Variants in PCLO observed in about 807,000 individuals in gnomAD.
PCLO encodes the protein protein piccolo.
A neutral mutation model predicts 427.5 loss-of-function variants in PCLO; 82 were observed. The observed-to-expected ratio is 0.19, with a 90% confidence interval of 0.16 to 0.23. The LOEUF (loss-of-function observed/expected upper bound fraction) is 0.23. Among genes scored for constraint, PCLO ranks in the 10% least tolerant of loss-of-function variants. The pLI, the probability that PCLO is intolerant of heterozygous loss-of-function variation, is 1.00. For missense variants in PCLO, 6,239 were observed against 6,115.9 expected (o/e 1.02, Z -0.67); for synonymous variants, 2,357 against 2,155.4 (o/e 1.09, Z -2.59).
chr7:82,956,261 A>G lies in PCLO; in HGVS notation c.4692T>C (p.Ser1564=), dbSNP rs555478704. 6.8e-6 allele frequency: 11 copies of G among 1,611,972 alleles called. No individual in the cohort carries two copies. The African/African-American group carries it at 1.3e-4, about 20-fold the overall frequency. ...DFIRKQIIEM[S]ADEDASGSED... is the part of the protein sequence containing the mutation. ...CAGAACCTGAAGCATCTTCATCAGC[A>G]CTCATTTCTATGATTTGTTTTCGAA... Residue 1564 remains serine (S), a synonymous_variant, in exon 5 of 25, where the codon AGT becomes AGC. Coordinates refer to ENST00000333891, the MANE Select transcript of PCLO (RefSeq NM_033026.6).
Position 83,134,518 on chromosome 7 carries a change from T to A in PCLO, c.3032A>T (p.Lys1011Ile), listed in dbSNP as rs763687159. The part of the protein sequence containing the change: ...KAPAAEKLEP[K>I]AEQAPTVKRT... ...TTTTACTGTTGGAGCTTGTTCAGCT[T>A]TGGGCTCTAATTTTTCAGCTGCTGG... Residue 1011 changes from lysine (K) to isoleucine (I), a missense_variant, in exon 3 of 25, where the codon AAA (lysine) becomes ATA (isoleucine). By Grantham distance (102) the Lys-to-Ile change is moderately radical. Transcript: ENST00000333891. 2 of 1,613,934 alleles carry A rather than the reference T, an allele frequency of 1.2e-6. No individual in the cohort carries two copies. Among genetic ancestry groups the A allele is most frequent in the East Asian group, 4.5e-5 (2 of 44,868 alleles).
intron 10 of PCLO, among the ~76,000 whole-genome samples, chr7:82,876,763 T>A (rs534320071): frequency 6.6e-6 from 1 of 152,076 alleles, no homozygotes; most frequent in Non-Finnish European, 1.5e-5. Context: ...GTGAATCTAA[T>A]AGAAATATTA....
chr7:82,967,219 A>G (rs978740788), intron 3 of PCLO, among the ~76,000 whole-genome samples: 2 of 116,780 alleles, frequency 1.7e-5, no homozygotes, highest in African/African-American at 6.5e-5. Flanking sequence ...TTTTTTGCCC[A>G]GGCTGGGGTG....
intron 20 of PCLO, chr7:82,820,636 A>C: frequency 8.1e-7 from 1 of 1,230,630 alleles, no homozygotes; most frequent in Non-Finnish European, 1.0e-6. Flanking sequence ...AAATGAGTGC[A>C]TTAACAATTT....
At chr7:83,097,146 A>G (rs1790603505) in intron 3 of PCLO, among the ~76,000 whole-genome samples, 1 of 94,526 alleles carries the variant, frequency 1.1e-5, no homozygotes, top group African/African-American at 3.8e-5. Context: ...TACATTATAT[A>G]AATATATTAT....
chr7:82,897,045 G>A (rs1265006831), intron 9 of PCLO, among the ~76,000 whole-genome samples: 1 of 151,546 alleles, frequency 6.6e-6, no homozygotes, highest in Non-Finnish European at 1.5e-5. Flanking sequence ...CTCATTTTTT[G>A]AGCATCACAT....
intron 9 of PCLO, 32 bp downstream of exon 9, chr7:82,902,619 A>G (rs1336290062): frequency 7.7e-7 from 1 of 1,300,492 alleles, no homozygotes; most frequent in Admixed American, 2.0e-5. Context: ...CAAAAAAACA[A>G]AAAAAATATT....
chr7:83,116,492 A>T (rs1043821928), intron 3 of PCLO, among the ~76,000 whole-genome samples: 1 of 152,034 alleles, frequency 6.6e-6, no homozygotes, highest in East Asian at 1.9e-4. Context: ...CTCTTTTTAA[A>T]TTTTTTTACT....
intron 6 of PCLO, among the ~76,000 whole-genome samples, chr7:82,945,821 T>C (rs919395544): frequency 1.4e-4 from 22 of 152,192 alleles, no homozygotes; most frequent in African/African-American, 2.9e-4. Flanking sequence ...ATAAACCTAA[T>C]TGATGGAGAT....
chr7:82,810,041 T>C (rs994630480), intron 20 of PCLO, among the ~76,000 whole-genome samples: 11 of 151,680 alleles, frequency 7.3e-5, no homozygotes, highest in Middle Eastern at 3.2e-3. Context: ...AGTAACATTC[T>C]GTGGGAGCCA....
intron 22 of PCLO, among the ~76,000 whole-genome samples, chr7:82,771,353 A>T (rs1407908550): frequency 1.3e-5 from 2 of 151,970 alleles, no homozygotes; most frequent in Non-Finnish European, 2.9e-5. Flanking sequence ...TTAGGTTCAA[A>T]TATAAATTAT....
intron 3 of PCLO, among the ~76,000 whole-genome samples, chr7:83,088,705 T>G (rs114251423): frequency 0.019 from 2,927 of 152,228 alleles, 95 homozygotes; most frequent in African/African-American, 0.065. Context: ...TTGGCCAGCA[T>G]GTTCAGCAGC....
chr7:82,908,244 A>T lies in PCLO; in HGVS notation c.13437+633T>A, dbSNP rs1794237811. 2.0e-5 allele frequency among the ~76,000 whole-genome samples: 3 copies of T among 152,112 alleles called. No individual in the cohort carries two copies. The South Asian group carries it at 6.2e-4, about 31-fold the overall frequency. On this transcript the variant is annotated intron_variant, in intron 8 of 24. Coordinates refer to ENST00000333891, the MANE Select transcript of PCLO (RefSeq NM_033026.6). ...AACATCACCTCATTTCTCAAAAGTG[A>T]GTGAGATCATGAATTTTGGTATCAT...
intron 6 of PCLO, among the ~76,000 whole-genome samples, chr7:82,920,109 CTAAG>C (rs1794562048): frequency 6.6e-6 from 1 of 151,746 alleles, no homozygotes; most frequent in South Asian, 2.1e-4. Flanking sequence ...AACTTCTCAA[CTAAG>C]TATTTAATTC....
intron 6 of PCLO, among the ~76,000 whole-genome samples, chr7:82,926,392 A>C (rs1334848798): frequency 6.6e-6 from 1 of 152,164 alleles, no homozygotes; most frequent in Non-Finnish European, 1.5e-5. Flanking sequence ...TTTTAAAGGT[A>C]GTTTTTCTCT....
At chr7:82,890,734 A>C (rs139309219) in intron 9 of PCLO, among the ~76,000 whole-genome samples, 1 of 152,008 alleles carries the variant, frequency 6.6e-6, no homozygotes, top group Admixed American at 6.6e-5. Context: ...ACCATGCTTC[A>C]TCTAGAGTCT....
At chr7:82,802,275 A>T (rs1313355143) in intron 21 of PCLO, among the ~76,000 whole-genome samples, 1 of 152,012 alleles carries the variant, frequency 6.6e-6, no homozygotes, top group Admixed American at 6.5e-5. Context: ...AAAACACATG[A>T]AAAATGCGTG....
At chr7:82,969,557 A>G (rs1460663274) in intron 3 of PCLO, among the ~76,000 whole-genome samples, 2 of 152,140 alleles carry the variant, frequency 1.3e-5, no homozygotes, top group Non-Finnish European at 2.9e-5. Flanking sequence ...GAATGAAAGA[A>G]GGCAGCCAGC....
chr7:82,764,739 T>C (rs373539843), intron 22 of PCLO, among the ~76,000 whole-genome samples: 9 of 151,768 alleles, frequency 5.9e-5, no homozygotes, highest in African/African-American at 2.2e-4. Flanking sequence ...TAAATCATAA[T>C]GAAGACACAA....
Sources: allele counts gnomAD v4.1 joint callset (sites outside exome capture counted in the v4.1 genomes callset), GRCh38; gene constraint gnomAD v4.1.1; transcripts MANE v1.5; gene names NCBI Gene and HGNC (gene_info 2026-07-23, HGNC 2026-07-21).